Variants in EVI5 observed in about 807,000 individuals in gnomAD.
The protein encoded by EVI5 is ecotropic viral integration site 5 protein homolog.
In EVI5, 73 loss-of-function variants were observed where a neutral mutation model predicts 112.0. That is an observed-to-expected ratio of 0.65 (90% CI 0.54 to 0.79). The LOEUF (loss-of-function observed/expected upper bound fraction) is 0.79, where lower values mean the gene tolerates loss of function less well. Ranked by LOEUF, EVI5 falls within the 30% of genes least tolerant of loss-of-function variation. EVI5 has a pLI of 0.00. For synonymous variants in EVI5, 305 were observed against 319.9 expected (o/e 0.95, Z 0.50); for missense variants, 900 against 968.8 (o/e 0.93, Z 0.94).
At chr1:92,791,188 C>A (rs766112072) in intron 1 of EVI5, among the ~76,000 whole-genome samples, 2 of 152,310 alleles carry the variant, frequency 1.3e-5, no homozygotes, top group South Asian at 4.1e-4. Context: ...TTGCAAAATA[C>A]TTGTTTTAAA....
intron 12 of EVI5, among the ~76,000 whole-genome samples, 163 bp downstream of exon 12, chr1:92,663,244 AGATAACACCTTGT>A (rs1339099390): frequency 6.6e-6 from 1 of 152,248 alleles, no homozygotes; most frequent in African/African-American, 2.4e-5. Flanking sequence ...AAATAAACCA[AGATAACACCTTGT>A]TACAAAAAAT....
Position 92,636,052 on chromosome 1 carries a change from A to T in EVI5, c.1527+150T>A, listed in dbSNP as rs1327610722. On this transcript the variant is annotated intron_variant, in intron 14 of 19. Transcript: ENST00000684568. ...ACAAGGAATAACTGGCAATTTTAAA[A>T]ATCTTTTTTTCCTTTTCCTCTTAGT... 2.8e-5 allele frequency: 17 copies of T among 616,968 alleles called. No individual in the cohort carries two copies. In the Admixed American group the frequency reaches 5.4e-4, roughly 20 times the overall value. 38.2% of individuals were successfully genotyped at this position (616,968 alleles called of 1,614,324 possible).
chr1:92,746,765 C>T (rs1188141087), intron 1 of EVI5, among the ~76,000 whole-genome samples: 1 of 151,764 alleles, frequency 6.6e-6, no homozygotes, highest in African/African-American at 2.4e-5. Flanking sequence ...GGCATGGTGG[C>T]GTGTGTCTGT....
intron 19 of EVI5, among the ~76,000 whole-genome samples, chr1:92,527,908 T>C (rs1662197339): frequency 1.3e-5 from 2 of 152,218 alleles, no homozygotes; most frequent in South Asian, 2.1e-4. Context: ...CAATCTATTA[T>C]ATATAATGCT....
intron 2 of EVI5, among the ~76,000 whole-genome samples, chr1:92,705,091 A>C (rs1323676142): frequency 6.6e-6 from 1 of 152,222 alleles, no homozygotes; most frequent in African/African-American, 2.4e-5. Context: ...TATACTTGGA[A>C]GAGGTACAAC....
At chr1:92,712,401 ATAT>A (rs1672980137) in intron 2 of EVI5, among the ~76,000 whole-genome samples, 2 of 152,144 alleles carry the variant, frequency 1.3e-5, no homozygotes, top group African/African-American at 2.4e-5. Context: ...CTCCTCCCAA[ATAT>A]TATGATCAGA....
At chr1:92,720,549 G>A (rs1428294475) in intron 2 of EVI5, among the ~76,000 whole-genome samples, 2 of 152,198 alleles carry the variant, frequency 1.3e-5, no homozygotes, top group African/African-American at 2.4e-5. Flanking sequence ...AGACTTAAAT[G>A]TTAGACCTGA....
intron 2 of EVI5, among the ~76,000 whole-genome samples, chr1:92,719,091 T>TCCCTTCCTTACACCTTA (rs1558141748): frequency 1.3e-5 from 2 of 152,096 alleles, no homozygotes; most frequent in African/African-American, 4.8e-5. Context: ...ACCAGATGGA[T>TCCCTTCCTTACACCTTA]TCACAGCCGA....
rs200683132 is a variant in EVI5, at chr1:92,513,853, T to C, written c.2284A>G (p.Ile762Val). The change falls in exon 20 of 20, where the codon ATA becomes GTA. Residue 762 changes from isoleucine (I) to valine (V), a missense_variant. Ile to Val is a conservative substitution (Grantham distance 29). Coordinates refer to ENST00000684568, the MANE Select transcript of EVI5 (RefSeq NM_001350197.2). ...CCAGTTTCCTGTAAGGAATTATCTA[T>C]AAAATCTTCATCGGAGGAATGGAAT... ...ESFHSSDEDF[I>V]DNSLQETGVG... 4 of 1,613,692 alleles carry C rather than the reference T, an allele frequency of 2.5e-6. No homozygotes were observed. Among genetic ancestry groups the C allele is most frequent in the Non-Finnish European group, 2.5e-6 (3 of 1,179,818 alleles).
At chr1:92,548,925 G>A (rs1348935294) in intron 19 of EVI5, among the ~76,000 whole-genome samples, 1 of 152,124 alleles carries the variant, frequency 6.6e-6, no homozygotes, top group African/African-American at 2.4e-5. Flanking sequence ...CACTGCCCAA[G>A]GTAATTCATA....
intron 18 of EVI5, among the ~76,000 whole-genome samples, chr1:92,582,781 A>C (rs1429046896): frequency 6.6e-6 from 1 of 150,734 alleles, no homozygotes; most frequent in Non-Finnish European, 1.5e-5. Context: ...AGCAACAGTT[A>C]CTTTAAATGT....
At chr1:92,714,249 A>C in intron 2 of EVI5, 1 of 431,764 alleles carries the variant, frequency 2.3e-6, no homozygotes, top group Non-Finnish European at 3.1e-6. Flanking sequence ...TCTTCATAGA[A>C]TTTGATATTT....
At chr1:92,591,454 T>C (rs950168905) in intron 18 of EVI5, among the ~76,000 whole-genome samples, 1 of 151,540 alleles carries the variant, frequency 6.6e-6, no homozygotes, top group African/African-American at 2.4e-5. Flanking sequence ...AAGGCAGGGG[T>C]TGCAATCCTA....
chr1:92,656,828 C>G (rs1391285866), intron 13 of EVI5, among the ~76,000 whole-genome samples: 1 of 152,068 alleles, frequency 6.6e-6, no homozygotes, highest in East Asian at 1.9e-4. Flanking sequence ...TAAGGCTGAA[C>G]TAGGAAGAGA....
chr1:92,532,999 CTT>C (rs151026642), intron 19 of EVI5, among the ~76,000 whole-genome samples: 1 of 140,420 alleles, frequency 7.1e-6, no homozygotes, highest in Non-Finnish European at 1.5e-5. Flanking sequence ...AATCTAGGAA[CTT>C]TTTTTTTTTT....
At chr1:92,792,156 C>T (rs530593666) in intron 1 of EVI5, among the ~76,000 whole-genome samples, 2 of 152,270 alleles carry the variant, frequency 1.3e-5, no homozygotes, top group South Asian at 4.1e-4. Context: ...GTTCATCACT[C>T]GAATGGCTGC....
At chr1:92,618,032 T>C (rs61457032) in intron 16 of EVI5, among the ~76,000 whole-genome samples, 10,961 of 152,240 alleles carry the variant, frequency 0.072, 1,087 homozygotes, top group African/African-American at 0.22. Flanking sequence ...GCTGGATGGA[T>C]AGAATGGTGG....
chr1:92,669,415 G>A (rs979331000), intron 10 of EVI5, among the ~76,000 whole-genome samples: 5 of 151,878 alleles, frequency 3.3e-5, no homozygotes, highest in African/African-American at 1.2e-4. Context: ...TGGCATGGTG[G>A]CGCATGCCTG....
rs867603654 is a variant in EVI5, at chr1:92,525,333, A to T, written c.2167-11363T>A. On this transcript the variant is annotated intron_variant, in intron 19 of 19. Coordinates refer to ENST00000684568, the MANE Select transcript of EVI5 (RefSeq NM_001350197.2). Reference sequence around the variant, plus strand: ...TGCCCAGGCTGGAGTGCAGTGGCACAATCTTGGCTGACTCCAACCTCTGCC... The same window carrying T: ...TGCCCAGGCTGGAGTGCAGTGGCACTATCTTGGCTGACTCCAACCTCTGCC... 2.1e-5 allele frequency among the ~76,000 whole-genome samples: 3 copies of T among 142,542 alleles called. No individual in the cohort carries two copies. In the South Asian group the frequency reaches 6.6e-4, roughly 31 times the overall value. The allele number at this position is 142,542 out of a possible 152,430, so 93.5% of individuals were successfully genotyped here.
Sources: allele counts gnomAD v4.1 joint callset (sites outside exome capture counted in the v4.1 genomes callset), GRCh38; gene constraint gnomAD v4.1.1; transcripts MANE v1.5; gene names NCBI Gene and HGNC (gene_info 2026-07-23, HGNC 2026-07-21).